PGLYRP4: variants seen among roughly 807,000 people sequenced by gnomAD.
The protein encoded by PGLYRP4 is PGRP-I-beta.
Under a neutral mutation model 41.2 loss-of-function variants are expected in PGLYRP4, and 39 were observed. The observed-to-expected ratio is 0.95, with a 90% CI of 0.73 to 1.24. The LOEUF is 1.24. Among genes scored for constraint, PGLYRP4 ranks in the 50% most tolerant of loss-of-function variants. The probability of loss-of-function intolerance (pLI) is 0.00; values close to 1 mark genes in which losing one functional copy is unlikely to be tolerated. For synonymous variants in PGLYRP4, 202 were observed against 186.8 expected, an observed-to-expected ratio of 1.08 and a Z score of -0.66; for missense variants, 467 against 460.7, an observed-to-expected ratio of 1.01 and a Z score of -0.13.
chr1:153,344,246 A>T (rs968682025), intron 4 of PGLYRP4, among the ~76,000 whole-genome samples: 1 of 152,200 alleles, frequency 6.6e-6, no homozygotes, highest in Non-Finnish European at 1.5e-5. Context: ...GCCACCTTTC[A>T]TGGTTCTTTC....
chr1:153,347,788 A>G, intron 2 of PGLYRP4, 96 bp downstream of exon 2: 2 of 901,364 alleles, frequency 2.2e-6, no homozygotes, highest in Non-Finnish European at 3.6e-6. Context: ...TGAACTCCTC[A>G]GGCTCAGATG....
rs757466068 is a variant in PGLYRP4, at chr1:153,345,293, T to C, written c.229A>G (p.Asn77Asp). 4.3e-6 allele frequency: 7 copies of C among 1,614,038 alleles called. No homozygotes were observed. The highest frequency in any genetic ancestry group is 5.9e-6 in the Non-Finnish European group (7 of 1,180,024). The change falls in exon 4 of 9, where the codon AAT becomes GAT. Residue 77 changes from asparagine to aspartate, a missense_variant. Physicochemically the swap from Asn to Asp is conservative, Grantham distance 23. Coordinates refer to ENST00000359650, the MANE Select transcript of PGLYRP4 (RefSeq NM_020393.4). Reference sequence around the variant, plus strand: ...GGGACATGGTGTATAACAAGGACATTCACTGGCGTGGTCAGCTGAATACTG... The same window carrying C: ...GGGACATGGTGTATAACAAGGACATCCACTGGCGTGGTCAGCTGAATACTG... ...GCSIQLTTPV[N>D]VLVIHHVPGL...
rs775135979 is a variant in PGLYRP4, at chr1:153,340,583, A to T, written c.626-4T>A. 3.1e-6 allele frequency: 5 copies of T among 1,613,178 alleles called. No individual in the cohort carries two copies. Among genetic ancestry groups the T allele is most frequent in the Middle Eastern group, 1.7e-4 (1 of 5,870 alleles). On this transcript the variant is annotated splice_polypyrimidine_tract_variant and splice_region_variant and intron_variant, in intron 6 of 8. Coordinates refer to ENST00000359650, the MANE Select transcript of PGLYRP4 (RefSeq NM_020393.4). ...CGTGGGACAACGCCGGGGCAAGCTGAGGTGGGGCGAGAAACCACAGAGGGT... is the reference window on the plus strand; with the variant it reads ...CGTGGGACAACGCCGGGGCAAGCTGTGGTGGGGCGAGAAACCACAGAGGGT...
Position 153,337,315 on chromosome 1 carries a change from G to A in PGLYRP4, c.825-16C>T, listed in dbSNP as rs1660610277. 1 of 1,436,114 alleles carries A rather than the reference G, an allele frequency of 7.0e-7. No individual in the cohort carries two copies. Among genetic ancestry groups the A allele is most frequent in the African/African-American group, 1.4e-5 (1 of 70,118 alleles). 89.0% of individuals were successfully genotyped at this position (1,436,114 alleles called of 1,614,324 possible). ...CACCAGGAAGCTAGAGGACCACAAG[G>A]GGAGATGGAGACCAGCATGAAATTC... On this transcript the variant is annotated splice_polypyrimidine_tract_variant and intron_variant, in intron 7 of 8. Transcript: ENST00000359650.
chr1:153,337,193 C>T lies in PGLYRP4; in HGVS notation c.931G>A (p.Gly311Ser). 6.2e-7 allele frequency: 1 copy of T among 1,609,842 alleles called. No homozygotes were observed. The highest frequency in any genetic ancestry group is 1.1e-5 in the South Asian group (1 of 90,928). ...AGCATCCACTTACCTGTGAAGGTGC[C>T]CATGAAGGTAATGCCCAGGGCAATG... ...DDIALGITFMGTFTGIPPNAA... is the reference protein window; with the variant it reads ...DDIALGITFMSTFTGIPPNAA... Residue 311 changes from glycine (G) to serine (S), a missense_variant, in exon 8 of 9, where the codon GGC (glycine) becomes AGC (serine). Transcript: ENST00000359650.
intron 1 of PGLYRP4, among the ~76,000 whole-genome samples, 187 bp downstream of exon 1, chr1:153,348,341 C>T (rs1445905313): frequency 1.3e-5 from 2 of 152,174 alleles, no homozygotes; most frequent in Non-Finnish European, 2.9e-5. Flanking sequence ...AATCCAGACT[C>T]ATATGGATGG....
chr1:153,333,643 T>C (rs1557822662), intron 8 of PGLYRP4, among the ~76,000 whole-genome samples: 1 of 152,152 alleles, frequency 6.6e-6, no homozygotes, highest in South Asian at 2.1e-4. Context: ...ATAGCCCTGA[T>C]TAATATCGAT....
Position 153,346,135 on chromosome 1 carries a change from G to T in PGLYRP4, c.106C>A (p.Leu36Ile). The T allele has an allele frequency of 6.2e-7, 1 of 1,613,854 alleles. No individual in the cohort carries two copies. Among genetic ancestry groups the T allele is most frequent in the Non-Finnish European group, 8.5e-7 (1 of 1,179,784 alleles). Residue 36 changes from leucine (L) to isoleucine (I), a missense_variant, in exon 3 of 9, where the codon CTA becomes ATA. Transcript: ENST00000359650. ...AKQVSEGLQY[L>I]FENISQLTEK... ...GTGAGCTGGGAGATGTTCTCAAATA[G>T]GTACTGGAGCCCCTCTGATACCTGT...
intron 7 of PGLYRP4, among the ~76,000 whole-genome samples, chr1:153,338,891 C>T (rs999908427): frequency 2.6e-5 from 4 of 152,210 alleles, no homozygotes; most frequent in Admixed American, 6.5e-5. Context: ...GTTTGAATTA[C>T]TTTTCTTCCT....
chr1:153,340,756 G>A (rs746365361), intron 6 of PGLYRP4, among the ~76,000 whole-genome samples, 177 bp from the exon 7 acceptor site: 1 of 145,442 alleles, frequency 6.9e-6, no homozygotes, highest in African/African-American at 2.5e-5. Flanking sequence ...ACAGTGTCCC[G>A]CAGTGGGACA....
rs145147191 is a variant in PGLYRP4 at position 153,344,565 on chromosome 1, A to G, written c.353+604T>C. ...TGTTGGGCACTTGAGGCAGGAAGCC[A>G]TCACTGCACTCAGGAACTGTCCACA... is the stretch of plus-strand genomic sequence containing the variant. On this transcript the variant is annotated intron_variant, in intron 4 of 8. Transcript: ENST00000359650. Among the ~76,000 whole-genome samples the G allele has an allele frequency of 2.8e-3, 422 of 152,328 alleles. 15 individuals carry two copies. The East Asian group carries it at 0.065, about 24-fold the overall frequency.
rs779638080 is a variant in PGLYRP4 at position 153,341,608 on chromosome 1, G to A, written c.625+19C>T. The A allele has an allele frequency of 1.4e-5, 22 of 1,602,840 alleles. No homozygotes were observed. In the Admixed American group the frequency reaches 3.5e-4, roughly 26 times the overall value. On this transcript the variant is annotated intron_variant, in intron 6 of 8. Coordinates refer to ENST00000359650, the MANE Select transcript of PGLYRP4 (RefSeq NM_020393.4). ...GTGAGCCCAGTGGCAGGCCCAGTAG[G>A]GCTGAAGAAAGGTCTTACCCTTCTT...
intron 5 of PGLYRP4, among the ~76,000 whole-genome samples, chr1:153,342,635 C>A (rs1660846630): frequency 1.4e-5 from 1 of 72,220 alleles, no homozygotes. Flanking sequence ...ATTAGGGGAC[C>A]CAGAGTGGTT....
chr1:153,345,380 G>T lies in PGLYRP4; in HGVS notation c.142C>A (p.Leu48Ile). The T allele has an allele frequency of 6.2e-7, 1 of 1,613,996 alleles. No individual in the cohort carries two copies. Among genetic ancestry groups the T allele is most frequent in the Middle Eastern group, 1.7e-4 (1 of 6,060 alleles). Reference sequence around the variant, plus strand: ...ACCGTGGTGGAGACATCTGTGGGAAGGCCTTGGGGACGTCACTCAGCGCAC... The same window carrying T: ...ACCGTGGTGGAGACATCTGTGGGAATGCCTTGGGGACGTCACTCAGCGCAC... Reference protein sequence around the residue: ...ENISQLTEKGLPTDVSTTVSR... With the variant: ...ENISQLTEKGIPTDVSTTVSR... The change falls in exon 4 of 9, where the codon CTT becomes ATT. Residue 48 changes from leucine to isoleucine, a missense_variant and splice_region_variant. Physicochemically the swap from Leu to Ile is conservative, Grantham distance 5. Coordinates refer to ENST00000359650, the MANE Select transcript of PGLYRP4 (RefSeq NM_020393.4).
Position 153,346,140 on chromosome 1 carries a change from T to C in PGLYRP4, c.101A>G (p.Gln34Arg). The change falls in exon 3 of 9, where the codon CAG (glutamine) becomes CGG (arginine). Residue 34 changes from glutamine (Q) to arginine (R), a missense_variant. Physicochemically the swap from Gln to Arg is conservative, Grantham distance 43. Coordinates refer to ENST00000359650, the MANE Select transcript of PGLYRP4 (RefSeq NM_020393.4). Reference protein sequence around the residue: ...TQAKQVSEGLQYLFENISQLT... With the variant: ...TQAKQVSEGLRYLFENISQLT... Reference sequence around the variant, plus strand: ...CTGGGAGATGTTCTCAAATAGGTACTGGAGCCCCTCTGATACCTGTTTAGC... The same window carrying C: ...CTGGGAGATGTTCTCAAATAGGTACCGGAGCCCCTCTGATACCTGTTTAGC... 1 of 1,614,100 alleles carries C rather than the reference T, an allele frequency of 6.2e-7. No homozygotes were observed. Among genetic ancestry groups the C allele is most frequent in the Non-Finnish European group, 8.5e-7 (1 of 1,179,900 alleles).
intron 1 of PGLYRP4, 23 bp downstream of exon 1, chr1:153,348,505 G>C (rs1661109106): frequency 6.5e-6 from 1 of 152,992 alleles, no homozygotes; most frequent in Admixed American, 6.5e-5. Flanking sequence ...GGCTTCTGAA[G>C]AAGAAACACA....
At position 153,343,150 on chromosome 1, in the gene PGLYRP4, C is replaced by A. The variant is rs772679970; in HGVS notation, c.412G>T (p.Val138Leu). 4.3e-6 allele frequency: 7 copies of A among 1,613,944 alleles called. No homozygotes were observed. Among genetic ancestry groups the A allele is most frequent in the Non-Finnish European group, 5.1e-6 (6 of 1,179,940 alleles). ...ATGTTGTTGTAGCCTTGGGTGTGCA[C>A]TCCTTGGATATTCCAGCCAACACCT... ...YEGVGWNIQG[V>L]HTQGYNNISL... is the part of the protein sequence containing the mutation. Residue 138 changes from valine (V) to leucine (L), a missense_variant, in exon 5 of 9, where the codon GTG becomes TTG. Val to Leu is a conservative substitution (Grantham distance 32). Transcript: ENST00000359650.
At position 153,343,329 on chromosome 1, in the gene PGLYRP4, G is replaced by T. The variant is rs1005871257; in HGVS notation, c.354-121C>A. On this transcript the variant is annotated intron_variant, in intron 4 of 8. Transcript: ENST00000359650. ...AAGCTATGTTCACTAAAAGGAATTT[G>T]CATGAACTCTTCCCAGACATTGAAA... 21 of 665,212 alleles carry T rather than the reference G, an allele frequency of 3.2e-5. No individual in the cohort carries two copies. The Admixed American group carries it at 4.5e-4, about 14-fold the overall frequency. The allele number at this position is 665,212 out of a possible 1,614,324, so 41.2% of individuals were successfully genotyped here. A position where few individuals can be genotyped will look rare whatever the true frequency, so the allele number is the denominator to read the frequency against.
intron 8 of PGLYRP4, among the ~76,000 whole-genome samples, chr1:153,334,468 T>TATA (rs1275488427): frequency 3.5e-5 from 5 of 142,530 alleles, no homozygotes; most frequent in South Asian, 2.1e-4. Flanking sequence ...ATATATTTAT[T>TATA]TATATATATT....
Sources: gnomAD v4.1 joint callset for allele counts (sites outside exome capture counted in the v4.1 genomes callset) on GRCh38, gnomAD v4.1.1 for gene constraint, MANE v1.5 for transcripts, NCBI Gene and HGNC (gene_info 2026-07-23, HGNC 2026-07-21) for gene names.